The following PTPRN2 variants were observed in gnomAD, a reference collection of about 807,000 sequenced individuals.
The protein encoded by PTPRN2 is protein tyrosine phosphatase receptor type N2, also known as receptor-type tyrosine-protein phosphatase N2.
Under a neutral mutation model 118.8 loss-of-function variants are expected in PTPRN2, and 74 were observed. The observed-to-expected ratio is 0.62, with a 90% confidence interval of 0.52 to 0.76. The LOEUF is 0.76. PTPRN2 is among the 30% of genes least tolerant of loss of function. PTPRN2 has a pLI of 0.00. For synonymous variants in PTPRN2, 641 were observed against 608.0 expected (o/e 1.05, Z -0.80); for missense variants, 1,481 against 1,394.4 (o/e 1.06, Z -0.99).
intron 10 of PTPRN2, among the ~76,000 whole-genome samples, chr7:158,085,900 C>T (rs374212401): frequency 5.4e-5 from 8 of 149,052 alleles, no homozygotes; most frequent in Admixed American, 2.7e-4. Flanking sequence ...ACACCCACGA[C>T]GCCCATCCAC....
intron 11 of PTPRN2, among the ~76,000 whole-genome samples, chr7:157,925,153 G>A (rs1798901535): frequency 1.4e-5 from 2 of 140,868 alleles, no homozygotes; most frequent in Admixed American, 6.9e-5. Context: ...TAGCACGTCA[G>A]GCAAATGCAG....
chr7:158,309,391 C>T (rs1292963220), intron 3 of PTPRN2, among the ~76,000 whole-genome samples: 1 of 152,208 alleles, frequency 6.6e-6, no homozygotes, highest in Non-Finnish European at 1.5e-5. Context: ...CTTCGAACCT[C>T]GGACCTCAAG....
At chr7:158,341,519 C>G (rs1355280348) in intron 2 of PTPRN2, among the ~76,000 whole-genome samples, 2 of 123,260 alleles carry the variant, frequency 1.6e-5, no homozygotes, top group African/African-American at 6.0e-5. Context: ...TCACTCACAC[C>G]CACACTCTCA....
At position 157,784,321 on chromosome 7, in the gene PTPRN2, G is replaced by A. The variant is rs9647690; in HGVS notation, c.1789-101384C>T. ...GGGGTCTCAGCATCTGCACAGTGACGGATTAGGGGGGCGGTTCAGCAGCCC... is the reference window on the plus strand; with the variant it reads ...GGGGTCTCAGCATCTGCACAGTGACAGATTAGGGGGGCGGTTCAGCAGCCC... On this transcript the variant is annotated intron_variant, in intron 12 of 22. Coordinates refer to ENST00000389418, the MANE Select transcript of PTPRN2 (RefSeq NM_002847.5). This position sits in a 1 kb window ranked among gnomAD's most constrained non-coding sequence, Gnocchi z 4.6. 2.0e-5 allele frequency among the ~76,000 whole-genome samples: 3 copies of A among 152,050 alleles called. No individual in the cohort carries two copies. Among genetic ancestry groups the A allele is most frequent in the Admixed American group, 6.6e-5 (1 of 15,264 alleles).
At chr7:158,247,166 C>T (rs752619695) in intron 3 of PTPRN2, among the ~76,000 whole-genome samples, 46 of 152,168 alleles carry the variant, frequency 3.0e-4, no homozygotes, top group Non-Finnish European at 5.7e-4. Flanking sequence ...CTGCATCTCA[C>T]TACACAGAGC....
At chr7:157,658,818 A>G (rs965943973) in intron 13 of PTPRN2, among the ~76,000 whole-genome samples, 1 of 152,182 alleles carries the variant, frequency 6.6e-6, no homozygotes, top group Non-Finnish European at 1.5e-5. Context: ...GTGAAAATGC[A>G]TTCGTGAGAA....
intron 13 of PTPRN2, among the ~76,000 whole-genome samples, chr7:157,670,672 C>T (rs1028108098): frequency 4.6e-5 from 7 of 152,152 alleles, no homozygotes; most frequent in Admixed American, 3.9e-4. Context: ...CCGGCTCCCA[C>T]GGAGGATGAC....
intron 2 of PTPRN2, among the ~76,000 whole-genome samples, chr7:158,374,655 C>T (rs1399008892): frequency 1.3e-5 from 2 of 152,168 alleles, no homozygotes; most frequent in Admixed American, 6.5e-5. Flanking sequence ...AGAGACAAAC[C>T]GTCCACACAC....
chr7:157,727,048 C>A (rs1318528048), intron 12 of PTPRN2, among the ~76,000 whole-genome samples: 6 of 152,212 alleles, frequency 3.9e-5, no homozygotes, highest in African/African-American at 1.4e-4. Flanking sequence ...TGCGCTATTG[C>A]AGCAGCTAGG....
intron 12 of PTPRN2, among the ~76,000 whole-genome samples, chr7:157,820,648 A>ACATG (rs1434986517): frequency 6.6e-6 from 1 of 152,166 alleles, no homozygotes; most frequent in Non-Finnish European, 1.5e-5. Flanking sequence ...GTGCACACAC[A>ACATG]CATGCACACA....
intron 6 of PTPRN2, among the ~76,000 whole-genome samples, chr7:158,151,013 C>T (rs541989146): frequency 1.3e-4 from 19 of 148,668 alleles, no homozygotes; most frequent in Non-Finnish European, 1.2e-4. Flanking sequence ...GCCTCCTATG[C>T]GGGAAGCCAG....
intron 12 of PTPRN2, among the ~76,000 whole-genome samples, chr7:157,718,728 C>T (rs563886457): frequency 4.0e-5 from 6 of 150,664 alleles, no homozygotes; most frequent in Non-Finnish European, 7.4e-5. Flanking sequence ...CAGGCGTCCG[C>T]GGTGACACTG....
At chr7:158,346,191 T>C (rs1383646419) in intron 2 of PTPRN2, among the ~76,000 whole-genome samples, 1 of 152,238 alleles carries the variant, frequency 6.6e-6, no homozygotes. Context: ...CTCAGCAGTT[T>C]TGAGATGTAT....
At chr7:157,812,622 C>T (rs1217228050) in intron 12 of PTPRN2, among the ~76,000 whole-genome samples, 4 of 152,238 alleles carry the variant, frequency 2.6e-5, no homozygotes, top group South Asian at 2.1e-4. Flanking sequence ...AAGCTGTAAG[C>T]GAGAGAGATG....
At chr7:158,246,481 A>G (rs1239300938) in intron 3 of PTPRN2, among the ~76,000 whole-genome samples, 1 of 150,908 alleles carries the variant, frequency 6.6e-6, no homozygotes, top group African/African-American at 2.4e-5. Flanking sequence ...CACACGGGAG[A>G]AGGAGGATGC....
intron 21 of PTPRN2, among the ~76,000 whole-genome samples, chr7:157,552,888 T>C (rs1000573496): frequency 3.3e-5 from 5 of 152,098 alleles, no homozygotes; most frequent in African/African-American, 1.2e-4. Flanking sequence ...CAGGGTCCAG[T>C]GAGGGTCCAG....
chr7:157,941,106 T>C lies in PTPRN2; in HGVS notation c.1724-42369A>G, dbSNP rs1462053491. Among the ~76,000 whole-genome samples, 67 of 78,490 alleles carry C rather than the reference T, an allele frequency of 8.5e-4. 2 individuals carry two copies. The highest frequency in any genetic ancestry group is 1.2e-3 in the Non-Finnish European group (47 of 38,900). 51.5% of individuals were successfully genotyped at this position (78,490 alleles called of 152,430 possible). ...ACCCTCCCCCGTGACACTGCAAATCTAACACCCTCCCCCGTGACACTGCAA... is the reference window on the plus strand; with the variant it reads ...ACCCTCCCCCGTGACACTGCAAATCCAACACCCTCCCCCGTGACACTGCAA... On this transcript the variant is annotated intron_variant, in intron 11 of 22. Transcript: ENST00000389418.
chr7:157,707,587 TC>T (rs1437547729), intron 12 of PTPRN2, among the ~76,000 whole-genome samples: 1 of 138,328 alleles, frequency 7.2e-6, no homozygotes, highest in Non-Finnish European at 1.6e-5. Context: ...CCTTTTTTTT[TC>T]TTTTTTTTTG....
At chr7:158,471,988 C>T (rs952465348) in intron 2 of PTPRN2, among the ~76,000 whole-genome samples, 3 of 152,120 alleles carry the variant, frequency 2.0e-5, no homozygotes, top group South Asian at 2.1e-4. Flanking sequence ...GCCACGGTTC[C>T]GGCCCCGCCA....
Sources: allele counts gnomAD v4.1 joint callset (sites outside exome capture counted in the v4.1 genomes callset), GRCh38; gene constraint gnomAD v4.1.1; non-coding constraint Gnocchi (gnomAD v3.1); transcripts MANE v1.5; gene names NCBI Gene and HGNC (gene_info 2026-07-23, HGNC 2026-07-21).